The following KAZN variants were observed in gnomAD, a reference collection of about 807,000 sequenced individuals.
KAZN encodes the protein kazrin.
Under a neutral mutation model 87.4 loss-of-function variants are expected in KAZN, and 40 were observed. The ratio of observed to expected loss-of-function variants is 0.46; its 90% CI spans 0.36 to 0.60. The LOEUF is 0.60. Ranked by LOEUF, KAZN falls within the 20% of genes least tolerant of loss-of-function variation. The pLI is 0.00. For synonymous variants in KAZN, 466 were observed against 458.3 expected (o/e 1.02, Z -0.22); for missense variants, 898 against 1,073.9 (o/e 0.84, Z 2.29).
intron 2 of KAZN, among the ~76,000 whole-genome samples, chr1:14,435,790 G>C (rs542685287): frequency 6.6e-6 from 1 of 152,030 alleles, no homozygotes; most frequent in Non-Finnish European, 1.5e-5. Flanking sequence ...AGGGCCTAAC[G>C]ATATCTTCGA....
rs533646517 is a variant in KAZN at position 14,245,941 on chromosome 1, A to G, written c.249+65349A>G. On this transcript the variant is annotated intron_variant, in intron 2 of 16. Coordinates refer to the KAZN transcript ENST00000636203. ...TATGGAATCAACCCAAATGCCCATC[A>G]ATGATAGACTGAATTTTAAAAATGT... is the stretch of plus-strand genomic sequence containing the variant. 2.6e-5 allele frequency among the ~76,000 whole-genome samples: 4 copies of G among 152,354 alleles called. No individual in the cohort carries two copies. The South Asian group carries it at 8.3e-4, about 32-fold the overall frequency.
chr1:14,825,346 A>G (rs1485098435), intron 1 of KAZN, among the ~76,000 whole-genome samples: 1 of 152,154 alleles, frequency 6.6e-6, no homozygotes, highest in Non-Finnish European at 1.5e-5. Flanking sequence ...TGCCATCTCC[A>G]TCACCGCTTC....
At chr1:14,615,581 G>A (rs543475358) in intron 1 of KAZN, among the ~76,000 whole-genome samples, 2 of 151,626 alleles carry the variant, frequency 1.3e-5, no homozygotes, top group African/African-American at 2.4e-5. Flanking sequence ...AGCCAAGATC[G>A]TGCCACTGCA....
At chr1:14,790,081 C>T (rs752982091) in intron 1 of KAZN, among the ~76,000 whole-genome samples, 12 of 152,060 alleles carry the variant, frequency 7.9e-5, no homozygotes, top group Non-Finnish European at 1.8e-4. Flanking sequence ...TGACTCACCG[C>T]AACCTCCGCC....
rs1369597190 is a variant in KAZN, at chr1:14,576,323, TGG to T, written c.250-22659_250-22658del. ...ATGGATGGATGGATGGATGGATGGA[TGG>T]ATGGATGGACGGACAGATAAATAGA... On this transcript the variant is annotated intron_variant, in intron 2 of 16. Transcript: ENST00000636203. Among the ~76,000 whole-genome samples the T allele has an allele frequency of 1.9e-3, 295 of 151,500 alleles. 1 individual carries two copies. Among genetic ancestry groups the T allele is most frequent in the Non-Finnish European group, 3.0e-3 (204 of 67,886 alleles).
intron 1 of KAZN, among the ~76,000 whole-genome samples, chr1:14,671,444 A>G (rs907923169): frequency 6.6e-6 from 1 of 152,178 alleles, no homozygotes; most frequent in African/African-American, 2.4e-5. Context: ...GGAGATGGCA[A>G]AATTATTTGT....
intron 1 of KAZN, among the ~76,000 whole-genome samples, chr1:14,101,554 G>T (rs1469281330): frequency 6.6e-6 from 1 of 152,122 alleles, no homozygotes; most frequent in Non-Finnish European, 1.5e-5. Flanking sequence ...TGTGAATAGT[G>T]GTTATTCTTA....
At chr1:14,826,973 G>A (rs1265350659) in intron 1 of KAZN, among the ~76,000 whole-genome samples, 2 of 152,190 alleles carry the variant, frequency 1.3e-5, no homozygotes, top group Admixed American at 6.5e-5. Context: ...CCCAGTGTCT[G>A]TGTTTGTGCT....
intron 1 of KAZN, among the ~76,000 whole-genome samples, chr1:14,931,824 C>T (rs1659858856): frequency 6.6e-6 from 1 of 152,186 alleles, no homozygotes; most frequent in Non-Finnish European, 1.5e-5. Flanking sequence ...GGCACGCTAG[C>T]ACCTTTTCAC....
chr1:14,580,430 G>C (rs1287350676), intron 2 of KAZN, among the ~76,000 whole-genome samples: 1 of 152,190 alleles, frequency 6.6e-6, no homozygotes, highest in South Asian at 2.1e-4. Context: ...AGCCGAGATC[G>C]TGCCATTGCA....
intron 2 of KAZN, among the ~76,000 whole-genome samples, chr1:14,251,877 G>A (rs1189512618): frequency 3.3e-5 from 5 of 151,864 alleles, no homozygotes; most frequent in Non-Finnish European, 7.4e-5. Flanking sequence ...TTGAACTCCT[G>A]AGCTCAAGTG....
At chr1:14,109,813 C>CTTTTTTTTTTGA (rs1289460974) in intron 1 of KAZN, among the ~76,000 whole-genome samples, 3 of 125,388 alleles carry the variant, frequency 2.4e-5, no homozygotes, top group Non-Finnish European at 5.1e-5. Context: ...CTTATCAAAA[C>CTTTTTTTTTTGA]GATTTCAGCG....
At chr1:13,977,751 T>C (rs183907370) in intron 1 of KAZN, among the ~76,000 whole-genome samples, 340 of 152,264 alleles carry the variant, frequency 2.2e-3, no homozygotes, top group African/African-American at 7.8e-3. Flanking sequence ...AGTTGAGAGT[T>C]GAAGGGCCAA....
rs555898030 is a variant in KAZN, at chr1:14,786,183, C to T, written c.227-174501C>T. ...TCTTACATAGCATGACTCTCCAACTCCATCTAAAAACAGTCTAAATCTGAT... is the reference window on the plus strand; with the variant it reads ...TCTTACATAGCATGACTCTCCAACTTCATCTAAAAACAGTCTAAATCTGAT... On this transcript the variant is annotated intron_variant, in intron 1 of 14. Transcript: ENST00000376030. Among the ~76,000 whole-genome samples the T allele has an allele frequency of 4.6e-5, 7 of 152,310 alleles. No homozygotes were observed. The South Asian group carries it at 1.5e-3, about 32-fold the overall frequency.
At chr1:14,000,078 G>A (rs1459015790) in intron 1 of KAZN, among the ~76,000 whole-genome samples, 2 of 152,126 alleles carry the variant, frequency 1.3e-5, no homozygotes, top group Admixed American at 1.3e-4. Context: ...AACAAAAAAA[G>A]TCCAGGACCA....
At chr1:14,610,170 A>T (rs1677701332) in intron 1 of KAZN, among the ~76,000 whole-genome samples, 1 of 152,076 alleles carries the variant, frequency 6.6e-6, no homozygotes, top group African/African-American at 2.4e-5. Flanking sequence ...TTTTACAATC[A>T]TCTGACTTCT....
At chr1:14,552,423 G>A (rs774351508) in intron 2 of KAZN, among the ~76,000 whole-genome samples, 14 of 152,326 alleles carry the variant, frequency 9.2e-5, no homozygotes, top group East Asian at 1.9e-4. Context: ...TCCGTACCAC[G>A]GCTCCCCTTC....
chr1:14,393,040 C>T (rs1214937278), intron 2 of KAZN, among the ~76,000 whole-genome samples: 1 of 152,176 alleles, frequency 6.6e-6, no homozygotes, highest in Non-Finnish European at 1.5e-5. Context: ...TCTGCAGCCC[C>T]TCCTTCCGGA....
intron 2 of KAZN, among the ~76,000 whole-genome samples, chr1:14,991,123 C>T (rs1042104413): frequency 1.3e-5 from 2 of 151,934 alleles, no homozygotes; most frequent in African/African-American, 2.4e-5. Context: ...GAGGCTGAGG[C>T]GGGCGGATCA....
Sources: allele counts gnomAD v4.1 joint callset (sites outside exome capture counted in the v4.1 genomes callset), GRCh38; gene constraint gnomAD v4.1.1; transcripts MANE v1.5; gene names NCBI Gene and HGNC (gene_info 2026-07-23, HGNC 2026-07-21).